Variants in CCSER1 observed in about 807,000 individuals in gnomAD.
CCSER1 encodes serine-rich coiled-coil domain-containing protein 1.
CCSER1 carries 41 observed loss-of-function variants against 82.0 expected under a neutral mutation model. That is an observed-to-expected ratio of 0.50 (90% confidence interval 0.39 to 0.65). CCSER1 has a LOEUF of 0.65. CCSER1 is among the 30% of genes least tolerant of loss of function. The pLI is 0.00. For synonymous variants in CCSER1, 414 were observed against 383.9 expected (o/e 1.08, Z -0.92); for missense variants, 1,119 against 1,064.2 (o/e 1.05, Z -0.72).
chr4:90,919,206 T>C (rs1253836187), intron 8 of CCSER1, among the ~76,000 whole-genome samples: 1 of 151,230 alleles, frequency 6.6e-6, no homozygotes, highest in East Asian at 1.9e-4. Context: ...GCAGCAAGTA[T>C]AAAAATATAT....
intron 9 of CCSER1, among the ~76,000 whole-genome samples, chr4:91,061,908 A>G (rs951305116): frequency 6.6e-6 from 1 of 152,082 alleles, no homozygotes; most frequent in Non-Finnish European, 1.5e-5. Context: ...AATTAGTTTC[A>G]TATGGAAGTT....
chr4:90,372,341 T>C (rs1747582217), intron 3 of CCSER1, among the ~76,000 whole-genome samples: 1 of 151,978 alleles, frequency 6.6e-6, no homozygotes, highest in South Asian at 2.1e-4. Context: ...AATGAAATAG[T>C]GGGTAATGGG....
chr4:90,329,399 C>T (rs923116180), intron 3 of CCSER1, among the ~76,000 whole-genome samples: 6 of 152,066 alleles, frequency 3.9e-5, no homozygotes, highest in African/African-American at 1.4e-4. Context: ...GTTGTTTTAT[C>T]AATAACGTGT....
At chr4:91,478,476 C>T (rs1757713970) in intron 10 of CCSER1, among the ~76,000 whole-genome samples, 1 of 151,712 alleles carries the variant, frequency 6.6e-6, no homozygotes. Context: ...GAGACAGTCT[C>T]AATAAGGATC....
chr4:90,383,030 A>C (rs1749459763), intron 3 of CCSER1, among the ~76,000 whole-genome samples: 1 of 152,146 alleles, frequency 6.6e-6, no homozygotes. Context: ...AAGGGTGAGT[A>C]ATACACCATA....
At chr4:90,409,704 A>G (rs1754374717) in intron 4 of CCSER1, among the ~76,000 whole-genome samples, 1 of 152,230 alleles carries the variant, frequency 6.6e-6, no homozygotes, top group Non-Finnish European at 1.5e-5. Flanking sequence ...CATCAAGGCT[A>G]GGAAGAAACT....
At chr4:90,400,164 T>G in intron 4 of CCSER1, 35 bp downstream of exon 4, 1 of 1,175,686 alleles carries the variant, frequency 8.5e-7, no homozygotes, top group Non-Finnish European at 1.3e-6. Flanking sequence ...ATCATACAAC[T>G]CCTACCCTGG....
At chr4:90,488,842 C>A (rs906283350) in intron 5 of CCSER1, among the ~76,000 whole-genome samples, 4 of 152,018 alleles carry the variant, frequency 2.6e-5, no homozygotes, top group African/African-American at 9.7e-5. Flanking sequence ...TCTTTTAGAA[C>A]CATCAATTAA....
At chr4:90,719,320 G>A (rs563571065) in intron 6 of CCSER1, among the ~76,000 whole-genome samples, 1 of 152,166 alleles carries the variant, frequency 6.6e-6, no homozygotes, top group Admixed American at 6.5e-5. Context: ...CCCAAGATGG[G>A]ACATCTAGTT....
In CCSER1 at chr4:90,745,728, C is replaced by T. The variant is rs562782796; in HGVS notation, c.2010+21737C>T. On this transcript the variant is annotated intron_variant, in intron 7 of 10. Transcript: ENST00000509176. The stretch of plus-strand genomic sequence containing the variant: ...TTTTTGAGACGGAGTCTTGCTCTGC[C>T]ACCCAGGCTGGAGTGCGGTGGCGTG... Among the ~76,000 whole-genome samples, 195 of 139,456 alleles carry T rather than the reference C, an allele frequency of 1.4e-3. 2 individuals carry two copies. Among genetic ancestry groups the T allele is most frequent in the African/African-American group, 4.8e-3 (178 of 37,000 alleles). 91.5% of individuals were successfully genotyped at this position (139,456 alleles called of 152,430 possible).
intron 9 of CCSER1, among the ~76,000 whole-genome samples, chr4:90,947,777 G>C (rs1732433041): frequency 6.6e-6 from 1 of 152,068 alleles, no homozygotes; most frequent in Non-Finnish European, 1.5e-5. Flanking sequence ...GACTGTAAGT[G>C]ACAAGTATAA....
rs571351374 is a variant in CCSER1 at position 91,011,288 on chromosome 4, G to A, written c.2173-74662G>A. Among the ~76,000 whole-genome samples, 7 of 134,004 alleles carry A rather than the reference G, an allele frequency of 5.2e-5. 1 individual carries two copies. In the South Asian group the frequency reaches 1.7e-3, roughly 32 times the overall value. The allele number at this position is 134,004 out of a possible 152,430, so 87.9% of individuals were successfully genotyped here. On this transcript the variant is annotated intron_variant, in intron 9 of 10. Transcript: ENST00000509176. ...AGTTCCTTCGTGGCAAGGGCTGTTG[G>A]GGTCCTCCCATTCTCATTTCCTTCA... is the stretch of plus-strand genomic sequence containing the variant.
chr4:90,387,443 C>T (rs970115690), intron 3 of CCSER1, among the ~76,000 whole-genome samples: 1 of 152,164 alleles, frequency 6.6e-6, no homozygotes, highest in African/African-American at 2.4e-5. Context: ...CCTTTGCCCT[C>T]GGTTTCTGAG....
intron 5 of CCSER1, among the ~76,000 whole-genome samples, chr4:90,585,409 G>T (rs2148660393): frequency 6.6e-6 from 1 of 152,168 alleles, no homozygotes; most frequent in Non-Finnish European, 1.5e-5. Flanking sequence ...ACTATAACCT[G>T]CATTGGTGTA....
At chr4:90,983,277 A>G (rs1442731133) in intron 9 of CCSER1, among the ~76,000 whole-genome samples, 3 of 151,812 alleles carry the variant, frequency 2.0e-5, no homozygotes, top group African/African-American at 7.2e-5. Context: ...TTATTCATTT[A>G]CACATAATTC....
At chr4:91,058,760 T>A (rs952276337) in intron 9 of CCSER1, among the ~76,000 whole-genome samples, 1 of 152,062 alleles carries the variant, frequency 6.6e-6, no homozygotes, top group Non-Finnish European at 1.5e-5. Context: ...AAAGTTTGAT[T>A]TTTTTATGTA....
chr4:90,968,210 A>AAAT (rs999182175), intron 9 of CCSER1, among the ~76,000 whole-genome samples: 30 of 151,688 alleles, frequency 2.0e-4, no homozygotes, highest in African/African-American at 4.1e-4. Context: ...TATTAACATA[A>AAAT]AATAATAATA....
intron 9 of CCSER1, among the ~76,000 whole-genome samples, chr4:90,976,423 C>G (rs1735623560): frequency 6.6e-6 from 1 of 150,602 alleles, no homozygotes; most frequent in African/African-American, 2.4e-5. Flanking sequence ...AGTTATAGAT[C>G]AAATGACATA....
chr4:90,999,901 G>GTTTTT, intron 9 of CCSER1, among the ~76,000 whole-genome samples: 1 of 141,240 alleles, frequency 7.1e-6, no homozygotes, highest in Non-Finnish European at 1.5e-5. Context: ...TTTTTCCCTA[G>GTTTTT]GATTCTTATA....
Sources: allele counts gnomAD v4.1 joint callset (sites outside exome capture counted in the v4.1 genomes callset), GRCh38; gene constraint gnomAD v4.1.1; transcripts MANE v1.5; gene names NCBI Gene and HGNC (gene_info 2026-07-23, HGNC 2026-07-21).